Variants in BLMH observed in about 807,000 individuals in gnomAD.
BLMH encodes the protein bleomycin hydrolase, also known as BLM hydrolase.
In BLMH, 32 loss-of-function variants were observed where a neutral mutation model predicts 61.6. The observed-to-expected ratio is 0.52, with a 90% CI of 0.39 to 0.70. The LOEUF (loss-of-function observed/expected upper bound fraction) is 0.70. BLMH is among the 30% of genes least tolerant of loss of function. BLMH has a pLI of 0.00. For missense variants in BLMH, 460 were observed against 555.5 expected (o/e 0.83, Z 1.73); for synonymous variants, 183 against 193.8 (o/e 0.94, Z 0.46).
chr17:30,259,419 G>A (rs937341065), intron 11 of BLMH, among the ~76,000 whole-genome samples: 14 of 151,882 alleles, frequency 9.2e-5, no homozygotes, highest in Non-Finnish European at 1.9e-4. Context: ...TCTTCCTGAC[G>A]CCCTCTAGTC....
At chr17:30,271,576 C>CT in intron 9 of BLMH, 188 bp from the exon 10 acceptor site, 2 of 497,860 alleles carry the variant, frequency 4.0e-6, no homozygotes, top group Non-Finnish European at 7.2e-6. Flanking sequence ...AGTCCATTCT[C>CT]TATGTGTCAC....
At chr17:30,280,185 A>G (rs1220295188) in intron 6 of BLMH, among the ~76,000 whole-genome samples, 2 of 152,168 alleles carry the variant, frequency 1.3e-5, no homozygotes, top group Non-Finnish European at 2.9e-5. Context: ...AACTTCATAT[A>G]ATTCTTCTGC....
chr17:30,281,979 T>C (rs1182467002), intron 6 of BLMH, among the ~76,000 whole-genome samples: 3 of 152,322 alleles, frequency 2.0e-5, no homozygotes, highest in Non-Finnish European at 2.9e-5. Flanking sequence ...GCCACTGCTA[T>C]AGAATTTCCT....
rs1200385267 is a variant in BLMH, at chr17:30,291,474, C to A, written c.48G>T (p.Gln16His). The A allele has an allele frequency of 2.5e-6, 4 of 1,614,110 alleles. No homozygotes were observed. Among genetic ancestry groups the A allele is most frequent in the African/African-American group, 2.7e-5 (2 of 74,938 alleles). The part of the protein sequence containing the change: ...LNSEKVAALI[Q>H]KLNSDPQFVL... ...CGAACTGGGGGTCGGAATTCAGTTTCTGTATCAGAGCAGCTACCTTCTCCG... is the reference window on the plus strand; with the variant it reads ...CGAACTGGGGGTCGGAATTCAGTTTATGTATCAGAGCAGCTACCTTCTCCG... The change falls in exon 2 of 12, where the codon CAG (glutamine) becomes CAT (histidine). Residue 16 changes from glutamine to histidine, a missense_variant. Physicochemically the swap from Gln to His is conservative, Grantham distance 24. Transcript: ENST00000261714.
chr17:30,274,956 G>C (rs1908376913), intron 6 of BLMH, among the ~76,000 whole-genome samples: 1 of 151,714 alleles, frequency 6.6e-6, no homozygotes, highest in African/African-American at 2.4e-5. Flanking sequence ...TCCAGCCTGG[G>C]TGACAGAGCA....
intron 6 of BLMH, among the ~76,000 whole-genome samples, chr17:30,278,452 C>T (rs962631355): frequency 6.6e-6 from 1 of 152,164 alleles, no homozygotes; most frequent in African/African-American, 2.4e-5. Flanking sequence ...AAATTGCTCA[C>T]TTCCCATCCC....
rs146518429 is a variant in BLMH at position 30,291,439 on chromosome 17, T to C, written c.83A>G (p.Gln28Arg). 3.7e-6 allele frequency: 6 copies of C among 1,614,234 alleles called. No homozygotes were observed. Among genetic ancestry groups the C allele is most frequent in the Middle Eastern group, 1.6e-4 (1 of 6,062 alleles). Residue 28 changes from glutamine to arginine, a missense_variant, in exon 2 of 12, where the codon CAG (glutamine) becomes CGG (arginine). This residue lies in a region of BLMH where 86 missense variants were observed against 84.5 expected (regional missense o/e 1.02). Coordinates refer to ENST00000261714, the MANE Select transcript of BLMH (RefSeq NM_000386.4). ...LNSDPQFVLA[Q>R]NVGTTHDLLD... ...CAGGTCGTGGGTGGTCCCGACATTC[T>C]GGGCAAGTACGAACTGGGGGTCGGA...
Position 30,249,020 on chromosome 17 carries a change from C to T in BLMH, c.1365G>A (p.Glu455=). Residue 455 remains glutamate, a synonymous_variant, in exon 12 of 12, where the codon GAG becomes GAA. Coordinates refer to ENST00000261714, the MANE Select transcript of BLMH (RefSeq NM_000386.4). ...PAWDPMGALA[E] ...AGGAAAGAGCTGGAGGGCAGTATCA[C>T]TCAGCCAAAGCTCCCATGGGGTCCC... The T allele has an allele frequency of 1.9e-6, 3 of 1,613,948 alleles. No individual in the cohort carries two copies. The highest frequency in any genetic ancestry group is 2.5e-6 in the Non-Finnish European group (3 of 1,179,902).
At chr17:30,270,069 C>A (rs1451223612) in intron 10 of BLMH, among the ~76,000 whole-genome samples, 1 of 152,124 alleles carries the variant, frequency 6.6e-6, no homozygotes, top group Non-Finnish European at 1.5e-5. Flanking sequence ...CACAATTCTG[C>A]ATAGAGTATA....
intron 6 of BLMH, among the ~76,000 whole-genome samples, chr17:30,281,848 T>G (rs75951368): frequency 0.025 from 3,821 of 152,286 alleles, 147 homozygotes; most frequent in African/African-American, 0.088. Flanking sequence ...AAAATATATT[T>G]TTTAATCGAA....
At chr17:30,262,758 G>A (rs768832283) in intron 11 of BLMH, among the ~76,000 whole-genome samples, 1 of 152,124 alleles carries the variant, frequency 6.6e-6, no homozygotes, top group African/African-American at 2.4e-5. Context: ...TCGCGCCACC[G>A]CACTCCAGCC....
intron 11 of BLMH, among the ~76,000 whole-genome samples, chr17:30,266,354 C>T (rs1228068535): frequency 6.6e-6 from 1 of 151,680 alleles, no homozygotes; most frequent in Non-Finnish European, 1.5e-5. Flanking sequence ...GGTGAAACCC[C>T]GTCTCTACTA....
chr17:30,271,516 T>C, intron 9 of BLMH, 128 bp from the exon 10 acceptor site: 1 of 661,674 alleles, frequency 1.5e-6, no homozygotes, highest in Non-Finnish European at 2.7e-6. Context: ...GCTCTAGCTG[T>C]AGCTCTTCAG....
At chr17:30,263,483 T>C (rs1908017751) in intron 11 of BLMH, among the ~76,000 whole-genome samples, 1 of 152,240 alleles carries the variant, frequency 6.6e-6, no homozygotes, top group Non-Finnish European at 1.5e-5. Context: ...TCAAGTATTT[T>C]AAGAAGCAGG....
At chr17:30,251,403 C>T (rs1213020476) in intron 11 of BLMH, among the ~76,000 whole-genome samples, 2 of 152,214 alleles carry the variant, frequency 1.3e-5, no homozygotes, top group African/African-American at 2.4e-5. Flanking sequence ...GGGCCACAGA[C>T]AGAACACAGA....
chr17:30,276,196 T>G (rs896101984), intron 6 of BLMH, among the ~76,000 whole-genome samples: 1 of 152,204 alleles, frequency 6.6e-6, no homozygotes, highest in Non-Finnish European at 1.5e-5. Flanking sequence ...AAAGGGAAGA[T>G]GTACTGACCG....
chr17:30,284,878 C>T (rs1399304577), intron 6 of BLMH, among the ~76,000 whole-genome samples: 7 of 152,156 alleles, frequency 4.6e-5, no homozygotes, highest in Non-Finnish European at 8.8e-5. Context: ...CATACAATTC[C>T]TTTTGCCTAG....
intron 6 of BLMH, among the ~76,000 whole-genome samples, chr17:30,278,146 CTGATACTA>C (rs1321960880): frequency 3.9e-5 from 6 of 152,090 alleles, no homozygotes; most frequent in African/African-American, 7.2e-5. Context: ...TCCATGGTCT[CTGATACTA>C]TATTTTCTTG....
intron 11 of BLMH, among the ~76,000 whole-genome samples, chr17:30,250,965 TA>T (rs1443342665): frequency 2.0e-5 from 3 of 152,232 alleles, no homozygotes; most frequent in Non-Finnish European, 2.9e-5. Context: ...GCCATGATTC[TA>T]AATGAAGTAA....
Sources: gnomAD v4.1 joint callset for allele counts (sites outside exome capture counted in the v4.1 genomes callset) on GRCh38, gnomAD v4.1.1 for gene constraint, gnomAD v4.1.1 regional missense constraint, MANE v1.5 for transcripts, NCBI Gene and HGNC (gene_info 2026-07-23, HGNC 2026-07-21) for gene names.